BBS9: variants seen among roughly 807,000 people sequenced by gnomAD.
BBS9 encodes the protein protein PTHB1.
BBS9 carries 89 observed loss-of-function variants against 117.7 expected under a neutral mutation model. The ratio of observed to expected loss-of-function variants is 0.76; its 90% CI spans 0.64 to 0.90. The LOEUF is 0.90. BBS9 is among the 40% of genes least tolerant of loss of function. The pLI, the probability that BBS9 is intolerant of heterozygous loss-of-function variation, is 0.00. For missense variants in BBS9, 982 were observed against 1,042.2 expected (o/e 0.94, Z 0.80); for synonymous variants, 379 against 370.9 (o/e 1.02, Z -0.25).
chr7:33,152,415 G>T (rs147713983), intron 2 of BBS9, among the ~76,000 whole-genome samples: 35 of 152,248 alleles, frequency 2.3e-4, no homozygotes, highest in African/African-American at 8.4e-4. Flanking sequence ...GGCTTGCTTT[G>T]ATTGAGTTAA....
At chr7:33,473,871 T>C (rs761728741) in intron 19 of BBS9, among the ~76,000 whole-genome samples, 3 of 152,186 alleles carry the variant, frequency 2.0e-5, no homozygotes, top group Non-Finnish European at 4.4e-5. Context: ...GGGAATCATA[T>C]CTTATTTATT....
At chr7:33,228,429 T>C (rs1791703788) in intron 5 of BBS9, among the ~76,000 whole-genome samples, 1 of 152,202 alleles carries the variant, frequency 6.6e-6, no homozygotes, top group Non-Finnish European at 1.5e-5. Flanking sequence ...AACCTTTTCA[T>C]TTTCTTTCTT....
At chr7:33,252,168 T>C (rs1024924045) in intron 5 of BBS9, among the ~76,000 whole-genome samples, 1 of 152,148 alleles carries the variant, frequency 6.6e-6, no homozygotes, top group African/African-American at 2.4e-5. Context: ...GATGTCGTGA[T>C]AAATCACTCA....
intron 9 of BBS9, among the ~76,000 whole-genome samples, chr7:33,284,566 C>T (rs2128381915): frequency 6.6e-6 from 1 of 152,158 alleles, no homozygotes; most frequent in South Asian, 2.1e-4. Flanking sequence ...CTGTTTAAAC[C>T]ATTTGTTTTG....
intron 21 of BBS9, among the ~76,000 whole-genome samples, chr7:33,632,676 C>G (rs1205034650): frequency 1.3e-5 from 2 of 152,118 alleles, no homozygotes; most frequent in African/African-American, 4.8e-5. Context: ...CCCAGCACCT[C>G]CCGTCCCACC....
intron 20 of BBS9, among the ~76,000 whole-genome samples, chr7:33,527,759 T>A (rs1156375690): frequency 6.6e-6 from 1 of 152,206 alleles, no homozygotes; most frequent in Non-Finnish European, 1.5e-5. Context: ...TATTTGGCCA[T>A]CTTGGCTCCT....
intron 5 of BBS9, among the ~76,000 whole-genome samples, chr7:33,230,242 T>C (rs1323734825): frequency 1.3e-5 from 2 of 152,148 alleles, no homozygotes; most frequent in African/African-American, 4.8e-5. Context: ...GTATAGAAGC[T>C]TTTTAGTTTG....
At chr7:33,334,754 C>G (rs531795619) in intron 9 of BBS9, among the ~76,000 whole-genome samples, 9 of 152,162 alleles carry the variant, frequency 5.9e-5, no homozygotes, top group Non-Finnish European at 1.3e-4. Flanking sequence ...TCTCATTTTA[C>G]ATATAAAGAA....
intron 16 of BBS9, among the ~76,000 whole-genome samples, chr7:33,361,192 G>A (rs1051543063): frequency 3.3e-5 from 5 of 152,096 alleles, no homozygotes; most frequent in Non-Finnish European, 7.4e-5. Flanking sequence ...GAGAAAAGGG[G>A]GTTGGGAACA....
chr7:33,306,035 T>G (rs1807861732), intron 9 of BBS9, among the ~76,000 whole-genome samples: 1 of 151,990 alleles, frequency 6.6e-6, no homozygotes, highest in African/African-American at 2.4e-5. Context: ...GGCACTTATA[T>G]TTTTGTTTTT....
chr7:33,353,681 GTAA>G (rs1397490133), intron 15 of BBS9, among the ~76,000 whole-genome samples: 46 of 151,858 alleles, frequency 3.0e-4, no homozygotes, highest in Non-Finnish European at 5.4e-4. Flanking sequence ...ATATTAATTA[GTAA>G]TAATTAAATA....
intron 1 of BBS9, among the ~76,000 whole-genome samples, chr7:33,144,927 G>A (rs928949900): frequency 2.6e-5 from 4 of 152,174 alleles, no homozygotes; most frequent in Admixed American, 6.5e-5. Flanking sequence ...AAATTGAAAA[G>A]CATCTGTACA....
At chr7:33,415,620 C>T (rs1477512206) in intron 19 of BBS9, among the ~76,000 whole-genome samples, 4 of 152,048 alleles carry the variant, frequency 2.6e-5, no homozygotes, top group Non-Finnish European at 5.9e-5. Context: ...GTGGACTTTC[C>T]AGTTTAGAAG....
At chr7:33,164,710 G>A (rs1275670577) in intron 4 of BBS9, among the ~76,000 whole-genome samples, 2 of 151,442 alleles carry the variant, frequency 1.3e-5, no homozygotes, top group Non-Finnish European at 2.9e-5. Context: ...CTTTTATTTT[G>A]AGCCTATGTG....
chr7:33,442,459 G>A, intron 19 of BBS9, among the ~76,000 whole-genome samples: 1 of 152,164 alleles, frequency 6.6e-6, no homozygotes, highest in South Asian at 2.1e-4. Flanking sequence ...TCAGTGGCAT[G>A]TATTTGAAGT....
intron 19 of BBS9, among the ~76,000 whole-genome samples, chr7:33,464,925 A>G (rs1839946634): frequency 6.6e-6 from 1 of 152,084 alleles, no homozygotes. Context: ...TCCTGGGCTC[A>G]ATCGATTCTC....
At chr7:33,368,928 A>G (rs549337153) in intron 17 of BBS9, among the ~76,000 whole-genome samples, 1 of 152,312 alleles carries the variant, frequency 6.6e-6, no homozygotes, top group Non-Finnish European at 1.5e-5. Flanking sequence ...GGTCACAGAA[A>G]TAACAACTCT....
In BBS9 at chr7:33,492,204, AAAAAAAAAAC is replaced by A. The variant is rs1186556966; in HGVS notation, c.2116-13249_2116-13240del. On this transcript the variant is annotated intron_variant, in intron 19 of 22. Transcript: ENST00000242067. The stretch of plus-strand genomic sequence containing the variant: ...GGTGACAAAGCAAGATTCCACCTCG[AAAAAAAAAAC>A]AAAAAAAAAACAAAAAAAAAACTTG... Among the ~76,000 whole-genome samples the A allele has an allele frequency of 6.2e-4, 32 of 51,806 alleles. 1 individual carries two copies. The highest frequency in any genetic ancestry group is 1.8e-3 in the East Asian group (2 of 1,102). 34.0% of individuals were successfully genotyped at this position (51,806 alleles called of 152,430 possible).
At chr7:33,190,552 G>A (rs965991305) in intron 5 of BBS9, among the ~76,000 whole-genome samples, 4 of 152,186 alleles carry the variant, frequency 2.6e-5, no homozygotes, top group African/African-American at 9.7e-5. Context: ...CGTCACTTGA[G>A]CCTTCTCTGT....
Sources: allele counts gnomAD v4.1 joint callset (sites outside exome capture counted in the v4.1 genomes callset), GRCh38; gene constraint gnomAD v4.1.1; transcripts MANE v1.5; gene names NCBI Gene and HGNC (gene_info 2026-07-23, HGNC 2026-07-21).